USP10: variants seen among roughly 807,000 people sequenced by gnomAD.
The protein encoded by USP10 is ubiquitin carboxyl-terminal hydrolase 10.
In USP10, 22 loss-of-function variants were observed where a neutral mutation model predicts 84.5. That is an observed-to-expected ratio of 0.26 (90% CI 0.19 to 0.37). USP10 has a LOEUF of 0.37. USP10 is among the 10% of genes least tolerant of loss of function. USP10 has a pLI of 1.00. For synonymous variants in USP10, 454 were observed against 387.6 expected (o/e 1.17, Z -2.01); for missense variants, 1,019 against 998.9 (o/e 1.02, Z -0.27).
chr16:84,768,061 G>C (rs1213773438), intron 10 of USP10, 132 bp from the exon 11 acceptor site: 1 of 913,608 alleles, frequency 1.1e-6, no homozygotes, highest in Non-Finnish European at 1.6e-6. Context: ...GTATATTTTT[G>C]GCTTTTCTCT....
intron 3 of USP10, among the ~76,000 whole-genome samples, chr16:84,741,901 C>T (rs1023109264): frequency 1.3e-5 from 2 of 152,162 alleles, no homozygotes; most frequent in African/African-American, 2.4e-5. Flanking sequence ...TCTGTCACTG[C>T]GCCTGTAGTA....
chr16:84,721,723 G>C (rs1267169714), intron 1 of USP10, among the ~76,000 whole-genome samples: 1 of 151,782 alleles, frequency 6.6e-6, no homozygotes, highest in Non-Finnish European at 1.5e-5. Flanking sequence ...TTTAGAGATT[G>C]AGTCTTGCTC....
chr16:84,701,549 G>A (rs930903682), intron 1 of USP10, among the ~76,000 whole-genome samples: 3 of 152,164 alleles, frequency 2.0e-5, no homozygotes, highest in East Asian at 3.8e-4. Context: ...GAATTGGTAT[G>A]AACAAGTAAA....
intron 6 of USP10, 111 bp downstream of exon 6, chr16:84,759,583 T>A (rs766154042): frequency 2.0e-5 from 21 of 1,030,096 alleles, no homozygotes; most frequent in Non-Finnish European, 3.0e-5. Context: ...GTCCTATAAT[T>A]CTGTCTTTTT....
At chr16:84,736,186 C>G (rs1270368792) in intron 2 of USP10, among the ~76,000 whole-genome samples, 1 of 152,246 alleles carries the variant, frequency 6.6e-6, no homozygotes, top group Non-Finnish European at 1.5e-5. Flanking sequence ...AGTGTTTCTA[C>G]CATGTGGCTG....
intron 1 of USP10, among the ~76,000 whole-genome samples, chr16:84,705,715 CTTTTT>C (rs1034372044): frequency 4.2e-5 from 3 of 71,282 alleles, no homozygotes; most frequent in African/African-American, 6.6e-5. Context: ...CCCTTGCTTG[CTTTTT>C]TTTTTTTTTT....
At chr16:84,733,223 G>T in intron 1 of USP10, 1 of 600,262 alleles carries the variant, frequency 1.7e-6, no homozygotes. Context: ...GTTTCATAGT[G>T]TTCTTTGACA....
intron 1 of USP10, among the ~76,000 whole-genome samples, chr16:84,711,433 T>G (rs1013363666): frequency 1.3e-5 from 2 of 152,204 alleles, no homozygotes; most frequent in African/African-American, 4.8e-5. Flanking sequence ...TAATTCATCC[T>G]GAAGCCTGGT....
At chr16:84,760,363 C>T (rs1246017505) in intron 8 of USP10, 88 bp downstream of exon 8, 1 of 1,189,768 alleles carries the variant, frequency 8.4e-7, no homozygotes, top group South Asian at 1.4e-5. Context: ...GATATTTGCC[C>T]TCTGTCTCCA....
At chr16:84,759,647 G>C (rs1162986545) in intron 6 of USP10, among the ~76,000 whole-genome samples, 175 bp downstream of exon 6, 1 of 152,138 alleles carries the variant, frequency 6.6e-6, no homozygotes, top group African/African-American at 2.4e-5. Flanking sequence ...AATGGAATTG[G>C]AGCATTGATG....
intron 1 of USP10, among the ~76,000 whole-genome samples, chr16:84,706,819 C>T (rs1352442316): frequency 4.6e-5 from 7 of 151,802 alleles, no homozygotes; most frequent in African/African-American, 1.5e-4. Flanking sequence ...GGATTACAGG[C>T]GTGAGCCACC....
chr16:84,700,664 CCTTGGGCTGCTGTTGCAAAGAAAA>C (rs1354086090), intron 1 of USP10, among the ~76,000 whole-genome samples: 4 of 152,166 alleles, frequency 2.6e-5, no homozygotes, highest in Non-Finnish European at 5.9e-5. Context: ...AGAGTAGCGG[CCTTGGGCTGCTGTTGCAAAGAAAA>C]CTCGAAATAA....
intron 4 of USP10, among the ~76,000 whole-genome samples, chr16:84,746,612 G>C (rs532027505): frequency 2.0e-5 from 3 of 152,212 alleles, no homozygotes; most frequent in Non-Finnish European, 4.4e-5. Context: ...CACCTGTATA[G>C]AGCACTCACC....
intron 3 of USP10, among the ~76,000 whole-genome samples, chr16:84,743,360 C>A (rs185282520): frequency 4.6e-5 from 7 of 152,280 alleles, no homozygotes; most frequent in Non-Finnish European, 8.8e-5. Context: ...TACGAAGATT[C>A]AGGAGGCCTC....
At chr16:84,763,167 C>G in intron 9 of USP10, 79 bp downstream of exon 9, 1 of 771,420 alleles carries the variant, frequency 1.3e-6, no homozygotes, top group South Asian at 2.0e-5. Context: ...TGTTATGTTG[C>G]TTCCCTGCCC....
chr16:84,766,994 C>T (rs1484926704), intron 10 of USP10, among the ~76,000 whole-genome samples: 4 of 152,174 alleles, frequency 2.6e-5, no homozygotes, highest in Non-Finnish European at 5.9e-5. Flanking sequence ...ACCACTGAAT[C>T]AAGAGGGCTT....
chr16:84,740,027 C>T (rs963112807), intron 2 of USP10, among the ~76,000 whole-genome samples: 3 of 152,214 alleles, frequency 2.0e-5, no homozygotes, highest in Non-Finnish European at 4.4e-5. Flanking sequence ...TTCATTGTAG[C>T]TGATTTACAT....
chr16:84,743,902 C>A (rs1475024242), intron 3 of USP10, among the ~76,000 whole-genome samples: 1 of 152,146 alleles, frequency 6.6e-6, no homozygotes, highest in Non-Finnish European at 1.5e-5. Context: ...TGGGGTTAAT[C>A]CAGTGTGAAT....
chr16:84,727,964 A>C (rs1352646434), intron 1 of USP10, among the ~76,000 whole-genome samples: 1 of 152,200 alleles, frequency 6.6e-6, no homozygotes, highest in South Asian at 2.1e-4. Flanking sequence ...GATCCAGTCT[A>C]GGGTCAGGAA....
Sources: allele counts gnomAD v4.1 joint callset (sites outside exome capture counted in the v4.1 genomes callset), GRCh38; gene constraint gnomAD v4.1.1; transcripts MANE v1.5; gene names NCBI Gene and HGNC (gene_info 2026-07-23, HGNC 2026-07-21).